Variants in MRPL36 observed in about 807,000 individuals in gnomAD.
MRPL36 encodes the protein mitochondrial ribosomal protein L36, also known as large ribosomal subunit protein bL36m.
MRPL36 carries 1 observed loss-of-function variant against 2.8 expected under a neutral mutation model. The observed-to-expected ratio is 0.36, with a 90% confidence interval of 0.13 to 1.69. The LOEUF (loss-of-function observed/expected upper bound fraction) is 1.69, where lower values mean the gene tolerates loss of function less well. Among genes scored for constraint, MRPL36 ranks in the 40% most tolerant of loss-of-function variants. The probability of loss-of-function intolerance (pLI) is 0.35; values close to 1 mark genes in which losing one functional copy is unlikely to be tolerated. For synonymous variants in MRPL36, 68 were observed against 54.8 expected, an observed-to-expected ratio of 1.24 and a Z score of -1.06; for missense variants, 148 against 132.7, an observed-to-expected ratio of 1.12 and a Z score of -0.57.
Position 1,798,443 on chromosome 5 carries a change from A to G in MRPL36, c.*181T>C. The G allele has an allele frequency of 1.7e-6, 1 of 587,558 alleles. No individual in the cohort carries two copies. 36.4% of individuals were successfully genotyped at this position (587,558 alleles called of 1,614,324 possible). On this transcript the variant is annotated 3_prime_UTR_variant, in exon 2 of 2. Coordinates refer to ENST00000505059, the MANE Select transcript of MRPL36 (RefSeq NM_032479.4). The stretch of plus-strand genomic sequence containing the variant: ...TTTTAGTTGGAACGTTTTGGAAATA[A>G]GATAACGCAATGTCTTCTATAGTTA...
chr5:1,798,679 C>A lies in MRPL36; in HGVS notation c.257G>T (p.Gly86Val). Residue 86 changes from glycine to valine, a missense_variant, in exon 2 of 2, where the codon GGT becomes GTT. Gly to Val is a moderately radical substitution (Grantham distance 109). Coordinates refer to ENST00000505059, the MANE Select transcript of MRPL36 (RefSeq NM_032479.4). Reference sequence around the variant, plus strand: ...GGTTTTACAGTAGACGTACCACCGACCCCGCCTCTTCACCAGGTAACAGTC... The same window carrying A: ...GGTTTTACAGTAGACGTACCACCGAACCCGCCTCTTCACCAGGTAACAGTC... Reference protein sequence around the residue: ...CKDCYLVKRRGRWYVYCKTHP... With the variant: ...CKDCYLVKRRVRWYVYCKTHP... The A allele has an allele frequency of 6.2e-7, 1 of 1,613,878 alleles. No individual in the cohort carries two copies. Among genetic ancestry groups the A allele is most frequent in the Non-Finnish European group, 8.5e-7 (1 of 1,179,830 alleles).
upstream of MRPL36, chr5:1,801,422 C>T (rs970012846): frequency 6.2e-7 from 1 of 1,605,006 alleles, no homozygotes. Context: ...CGCAAAATGG[C>T]GGCGGCGATG....
chr5:1,799,814 C>CCGCACGCTCTCACCCGGG lies in MRPL36; in HGVS notation c.-36_-35insCCCGGGTGAGAGCGTGCG, dbSNP rs1554017861. ...TACCCGGCCGCACGCTCTCACCCGG[C>CCGCACGCTCTCACCCGGG]GCCGACCCCTGCGTCTGCGCACTGG... On this transcript the variant is annotated 5_prime_UTR_variant, in exon 1 of 2. Coordinates refer to ENST00000505059, the MANE Select transcript of MRPL36 (RefSeq NM_032479.4). The CCGCACGCTCTCACCCGGG allele has an allele frequency of 6.6e-6, 1 of 152,158 alleles. No individual in the cohort carries two copies. The highest frequency in any genetic ancestry group is 1.5e-5 in the Non-Finnish European group (1 of 68,082). The allele number at this position is 152,158 out of a possible 1,614,324, so 9.4% of individuals were successfully genotyped here.
rs1319587019 is a variant in MRPL36, at chr5:1,798,451, C to T, written c.*173G>A. The T allele has an allele frequency of 1.7e-6, 1 of 603,462 alleles. No homozygotes were observed. The highest frequency in any genetic ancestry group is 2.9e-6 in the Non-Finnish European group (1 of 350,340). The allele number at this position is 603,462 out of a possible 1,614,324, so 37.4% of individuals were successfully genotyped here. ...GGAACGTTTTGGAAATAAGATAACG[C>T]AATGTCTTCTATAGTTACTCATTTA... On this transcript the variant is annotated 3_prime_UTR_variant, in exon 2 of 2. Transcript: ENST00000505059.
At chr5:1,801,309 C>CCA, upstream of MRPL36, 1 of 1,383,708 alleles carries the variant, frequency 7.2e-7, no homozygotes, top group South Asian at 1.4e-5. Flanking sequence ...ACCCGCGCTC[C>CCA]CCGCCCCCAG....
upstream of MRPL36, chr5:1,799,856 C>T (rs972919341): frequency 6.7e-6 from 1 of 148,218 alleles, no homozygotes; most frequent in South Asian, 2.2e-4. Context: ...GACGCTGCTG[C>T]CAGGAAGGAA....
At chr5:1,800,902 C>T (rs1159464411), upstream of MRPL36, among the ~76,000 whole-genome samples, 2 of 152,238 alleles carry the variant, frequency 1.3e-5, no homozygotes, top group East Asian at 3.8e-4. Flanking sequence ...GAATGCACTT[C>T]CAGTCTCGTC....
chr5:1,798,528 C>T lies in MRPL36; in HGVS notation c.*96G>A. On this transcript the variant is annotated 3_prime_UTR_variant, in exon 2 of 2. Coordinates refer to ENST00000505059, the MANE Select transcript of MRPL36 (RefSeq NM_032479.4). Reference sequence around the variant, plus strand: ...GGGCGTTTGCTTCCAGTCACTTTCCCCTGACTCCTTGATGTGATAATTCCT... The same window carrying T: ...GGGCGTTTGCTTCCAGTCACTTTCCTCTGACTCCTTGATGTGATAATTCCT... The T allele has an allele frequency of 2.3e-6, 3 of 1,277,482 alleles. No individual in the cohort carries two copies. Among genetic ancestry groups the T allele is most frequent in the Non-Finnish European group, 3.3e-6 (3 of 917,128 alleles). The allele number at this position is 1,277,482 out of a possible 1,614,324, so 79.1% of individuals were successfully genotyped here.
At chr5:1,801,315 C>CGCG, upstream of MRPL36, 1 of 1,493,570 alleles carries the variant, frequency 6.7e-7, no homozygotes. Context: ...GCTCCCCGCC[C>CGCG]CCAGGGCGAA....
chr5:1,800,396 G>T (rs1373819123), upstream of MRPL36, among the ~76,000 whole-genome samples: 1 of 152,138 alleles, frequency 6.6e-6, no homozygotes, highest in Non-Finnish European at 1.5e-5. Flanking sequence ...TGTGTGTCCG[G>T]GTGAGTTGCA....
upstream of MRPL36, chr5:1,801,344 G>A: frequency 6.4e-7 from 1 of 1,553,348 alleles, no homozygotes; most frequent in Non-Finnish European, 8.7e-7. Context: ...CGGGTGTTTG[G>A]CGCCGCCAGA....
chr5:1,801,076 A>G (rs917145317), upstream of MRPL36, among the ~76,000 whole-genome samples: 2 of 152,228 alleles, frequency 1.3e-5, no homozygotes, highest in Non-Finnish European at 2.9e-5. Flanking sequence ...GGTTTCGCAC[A>G]CCATTGCCTG....
upstream of MRPL36, among the ~76,000 whole-genome samples, chr5:1,800,888 A>G (rs761760133): frequency 2.0e-5 from 3 of 152,190 alleles, no homozygotes; most frequent in Admixed American, 6.5e-5. Context: ...GCCTTGAACG[A>G]GGAGAATGCA....
chr5:1,801,215 CAG>C (rs1734026549), upstream of MRPL36: 8 of 729,466 alleles, frequency 1.1e-5, no homozygotes, highest in South Asian at 1.3e-4. Context: ...TCGGTGTAAT[CAG>C]GGGCATTTTT....
At chr5:1,801,369 G>A (rs1163421695), upstream of MRPL36, 2 of 1,595,748 alleles carry the variant, frequency 1.3e-6, no homozygotes, top group Non-Finnish European at 1.7e-6. Flanking sequence ...GTGCGCATGC[G>A]TTAGCGCTAA....
At chr5:1,799,101 G>C (rs6868515) in intron 1 of MRPL36, 154 bp from the exon 2 acceptor site, 143,567 of 613,804 alleles carry the variant, frequency 0.23, 17,321 homozygotes, top group Admixed American at 0.29. Flanking sequence ...ACCTGAGCTT[G>C]AACACTGCCT....
At chr5:1,801,319 G>GT (rs1734031552), upstream of MRPL36, 2 of 1,505,002 alleles carry the variant, frequency 1.3e-6, no homozygotes, top group Non-Finnish European at 1.8e-6. Context: ...CCCGCCCCCA[G>GT]GGCGAAATAA....
upstream of MRPL36, chr5:1,801,223 T>A: frequency 1.2e-6 from 1 of 800,696 alleles, no homozygotes; most frequent in Non-Finnish European, 1.9e-6. Flanking sequence ...ATCAGGGGCA[T>A]TTTTAGCGAG....
chr5:1,801,331 T>G, upstream of MRPL36: 1 of 1,533,732 alleles, frequency 6.5e-7, no homozygotes, highest in Non-Finnish European at 8.8e-7. Flanking sequence ...GCGAAATAAA[T>G]ACCGGGTGTT....
Sources: allele counts gnomAD v4.1 joint callset (sites outside exome capture counted in the v4.1 genomes callset), GRCh38; gene constraint gnomAD v4.1.1; transcripts MANE v1.5; gene names NCBI Gene and HGNC (gene_info 2026-07-23, HGNC 2026-07-21).